The following MAP2 variants were observed in gnomAD, a reference collection of about 807,000 sequenced individuals.
MAP2 encodes microtubule associated protein 2.
A neutral mutation model predicts 137.6 loss-of-function variants in MAP2; 14 were observed. The ratio of observed to expected loss-of-function variants is 0.10; its 90% CI spans 0.07 to 0.16. MAP2 has a LOEUF of 0.16. Ranked by LOEUF, MAP2 falls within the 10% of genes least tolerant of loss-of-function variation. The probability of loss-of-function intolerance (pLI) is 1.00; values close to 1 mark genes in which losing one functional copy is unlikely to be tolerated. For missense variants in MAP2, 2,088 were observed against 2,191.5 expected, an observed-to-expected ratio of 0.95 and a Z score of 0.94; for synonymous variants, 786 against 782.3, an observed-to-expected ratio of 1.00 and a Z score of -0.08.
chr2:209,488,826 G>A (rs553589255), intron 1 of MAP2, among the ~76,000 whole-genome samples: 98 of 152,244 alleles, frequency 6.4e-4, no homozygotes, highest in African/African-American at 2.2e-3. Context: ...TCCCTGCAAC[G>A]GAGCACCTGG....
At chr2:209,491,983 A>T (rs534951629) in intron 1 of MAP2, among the ~76,000 whole-genome samples, 14 of 152,214 alleles carry the variant, frequency 9.2e-5, no homozygotes, top group Non-Finnish European at 1.6e-4. Context: ...CCTGGCAGAG[A>T]CACAACTAAA....
chr2:209,537,699 AG>A (rs2066200904), intron 2 of MAP2, among the ~76,000 whole-genome samples: 2 of 152,332 alleles, frequency 1.3e-5, no homozygotes, highest in South Asian at 4.1e-4. Context: ...GTCATTTTAA[AG>A]GTCTGACATA....
At chr2:209,666,728 C>A (rs968875495) in intron 5 of MAP2, among the ~76,000 whole-genome samples, 1 of 151,244 alleles carries the variant, frequency 6.6e-6, no homozygotes, top group Non-Finnish European at 1.5e-5. Flanking sequence ...TTACTAGATA[C>A]GTTTGAATTT....
At chr2:209,653,543 G>A (rs2094939169) in intron 5 of MAP2, 111 bp downstream of exon 5, 4 of 1,096,562 alleles carry the variant, frequency 3.6e-6, no homozygotes, top group Non-Finnish European at 3.7e-6. Flanking sequence ...TGCTAGGACT[G>A]AAATTCCAGT....
intron 2 of MAP2, among the ~76,000 whole-genome samples, chr2:209,579,058 A>AT (rs2075814291): frequency 6.6e-6 from 1 of 152,206 alleles, no homozygotes; most frequent in South Asian, 2.1e-4. Flanking sequence ...GAAGATATTT[A>AT]TTTTGGAATA....
chr2:209,612,576 A>G (rs1401909334), intron 3 of MAP2, among the ~76,000 whole-genome samples: 1 of 152,232 alleles, frequency 6.6e-6, no homozygotes, highest in East Asian at 1.9e-4. Flanking sequence ...CAGCTGCCAT[A>G]TAACAGCAGA....
At chr2:209,670,843 A>G (rs933157614) in intron 5 of MAP2, among the ~76,000 whole-genome samples, 2 of 148,216 alleles carry the variant, frequency 1.3e-5, no homozygotes, top group African/African-American at 5.3e-5. Context: ...AAAATAAAAC[A>G]TGTCCTTGAA....
intron 7 of MAP2, chr2:209,690,759 G>T: frequency 7.8e-7 from 1 of 1,289,808 alleles, no homozygotes; most frequent in Non-Finnish European, 1.0e-6. Context: ...CCCGAAGAGA[G>T]TGCCCCAGCA....
intron 4 of MAP2, among the ~76,000 whole-genome samples, chr2:209,642,650 G>A (rs2153580803): frequency 6.6e-6 from 1 of 152,250 alleles, no homozygotes; most frequent in African/African-American, 2.4e-5. Flanking sequence ...GGTATGTGAT[G>A]AAGAATGATG....
intron 2 of MAP2, among the ~76,000 whole-genome samples, chr2:209,569,316 G>A (rs1009271781): frequency 1.4e-4 from 21 of 145,982 alleles, no homozygotes; most frequent in African/African-American, 5.8e-4. Flanking sequence ...TTTAATTTCA[G>A]TGTTTCAGTG....
rs2094920015 is a variant in MAP2, at chr2:209,653,146, A to T, written c.-25A>T. The T allele has an allele frequency of 6.4e-7, 1 of 1,555,704 alleles. No individual in the cohort carries two copies. The highest frequency in any genetic ancestry group is 1.4e-5 in the African/African-American group (1 of 72,758). Reference sequence around the variant, plus strand: ...CTACTATTTTTTCTCTTTCAGTTGCAGGAGAAATAACAAGGCATTGAAGAA... The same window carrying T: ...CTACTATTTTTTCTCTTTCAGTTGCTGGAGAAATAACAAGGCATTGAAGAA... On this transcript the variant is annotated 5_prime_UTR_variant, in exon 5 of 16. Transcript: ENST00000682079.
At chr2:209,706,826 G>A (rs898406952) in intron 12 of MAP2, among the ~76,000 whole-genome samples, 6 of 152,078 alleles carry the variant, frequency 3.9e-5, no homozygotes, top group African/African-American at 1.4e-4. Context: ...TTTAAACAGT[G>A]TTTTTGCCTA....
intron 4 of MAP2, among the ~76,000 whole-genome samples, chr2:209,650,810 AT>A (rs756854765): frequency 6.6e-6 from 1 of 152,208 alleles, no homozygotes; most frequent in Non-Finnish European, 1.5e-5. Context: ...ACTTTCAAAA[AT>A]GTAAAGCCTG....
chr2:209,585,445 T>C (rs1004334645), intron 3 of MAP2, among the ~76,000 whole-genome samples: 6 of 152,148 alleles, frequency 3.9e-5, no homozygotes, highest in African/African-American at 1.4e-4. Flanking sequence ...TTTAGAAGGG[T>C]GTAAGGAAGG....
intron 1 of MAP2, among the ~76,000 whole-genome samples, chr2:209,464,544 C>T (rs991169043): frequency 9.2e-5 from 14 of 152,082 alleles, no homozygotes; most frequent in Admixed American, 2.6e-4. Context: ...TTCTGTTTTC[C>T]TGAAAGAATG....
chr2:209,705,019 T>A (rs1054979732), intron 11 of MAP2, among the ~76,000 whole-genome samples: 2 of 151,492 alleles, frequency 1.3e-5, no homozygotes, highest in Non-Finnish European at 2.9e-5. Flanking sequence ...TACATCAGGG[T>A]TTAATACTAT....
chr2:209,718,901 G>C (rs2068926939), intron 13 of MAP2, among the ~76,000 whole-genome samples: 1 of 152,180 alleles, frequency 6.6e-6, no homozygotes, highest in African/African-American at 2.4e-5. Context: ...AGAACATCAT[G>C]TGTGCCAGAG....
At chr2:209,667,060 G>C (rs960212457) in intron 5 of MAP2, among the ~76,000 whole-genome samples, 2 of 149,744 alleles carry the variant, frequency 1.3e-5, no homozygotes, top group African/African-American at 5.1e-5. Flanking sequence ...TTTTTAAAGA[G>C]TATTTTGGAC....
chr2:209,452,453 TTTTTC>T (rs1700539439), intron 1 of MAP2, among the ~76,000 whole-genome samples: 1 of 152,186 alleles, frequency 6.6e-6, no homozygotes, highest in South Asian at 2.1e-4. Flanking sequence ...CATTTTGCAT[TTTTTC>T]ACATACCTAG....
Sources: gnomAD v4.1 joint callset for allele counts (sites outside exome capture counted in the v4.1 genomes callset) on GRCh38, gnomAD v4.1.1 for gene constraint, MANE v1.5 for transcripts, NCBI Gene and HGNC (gene_info 2026-07-23, HGNC 2026-07-21) for gene names.